RPRD1A: variants seen among roughly 807,000 people sequenced by gnomAD.
The protein encoded by RPRD1A is regulation of nuclear pre-mRNA domain containing 1A.
RPRD1A carries 9 observed loss-of-function variants against 37.8 expected under a neutral mutation model. The observed-to-expected ratio is 0.24, with a 90% CI of 0.14 to 0.42. RPRD1A has a LOEUF of 0.42. RPRD1A is among the 10% of genes least tolerant of loss of function. RPRD1A has a pLI of 1.00. For synonymous variants in RPRD1A, 138 were observed against 139.7 expected, an observed-to-expected ratio of 0.99 and a Z score of 0.08; for missense variants, 255 against 371.0, an observed-to-expected ratio of 0.69 and a Z score of 2.57.
chr18:36,002,372 C>CT (rs1319565886), intron 6 of RPRD1A, among the ~76,000 whole-genome samples: 3 of 152,088 alleles, frequency 2.0e-5, no homozygotes, highest in Non-Finnish European at 2.9e-5. Flanking sequence ...TCACCACTTC[C>CT]TTCCTTGGCA....
chr18:36,031,244 G>C (rs1911767639), intron 2 of RPRD1A, 147 bp from the exon 3 acceptor site: 1 of 1,004,960 alleles, frequency 1.0e-6, no homozygotes, highest in Non-Finnish European at 1.4e-6. Flanking sequence ...TCACTATGTG[G>C]CCAGCAGCTC....
chr18:36,057,049 T>C (rs1470142812), intron 1 of RPRD1A, among the ~76,000 whole-genome samples: 1 of 23,268 alleles, frequency 4.3e-5, no homozygotes, highest in African/African-American at 1.9e-4. Context: ...ACCCTGTTTC[T>C]ACAAAAAAAA....
Position 36,065,964 on chromosome 18 carries a change from CAAAAACA to C in RPRD1A, c.151+1283_151+1289del, listed in dbSNP as rs2089022110. Among the ~76,000 whole-genome samples the C allele has an allele frequency of 7.9e-5, 12 of 151,826 alleles. No homozygotes were observed. In the South Asian group the frequency reaches 2.3e-3, roughly 29 times the overall value. On this transcript the variant is annotated intron_variant, in intron 1 of 6. Coordinates refer to ENST00000399022, the MANE Select transcript of RPRD1A (RefSeq NM_018170.5). Reference sequence around the variant, plus strand: ...TACATGTGTTTCTAAATGCTCTCTGCAAAAACAAAAAACAAGATAAACCTGTTACCGA... The same window carrying C: ...TACATGTGTTTCTAAATGCTCTCTGCAAAAACAAGATAAACCTGTTACCGA...
intron 4 of RPRD1A, 152 bp from the exon 5 acceptor site, chr18:36,027,462 G>A (rs570074120): frequency 2.6e-6 from 2 of 759,320 alleles, no homozygotes; most frequent in African/African-American, 3.5e-5. Flanking sequence ...TCTTTCATAT[G>A]TTAAGAAAAA....
intron 6 of RPRD1A, among the ~76,000 whole-genome samples, chr18:36,007,280 T>A (rs946661299): frequency 6.6e-6 from 1 of 152,186 alleles, no homozygotes; most frequent in Admixed American, 6.6e-5. Context: ...AGGTCAGAAC[T>A]ATCCCATGAT....
intron 1 of RPRD1A, among the ~76,000 whole-genome samples, chr18:36,054,147 T>G (rs759908163): frequency 6.6e-6 from 1 of 152,156 alleles, no homozygotes; most frequent in East Asian, 1.9e-4. Context: ...AAACACCATA[T>G]AAAGCATCAA....
At chr18:36,002,955 G>A (rs1054782359) in intron 6 of RPRD1A, among the ~76,000 whole-genome samples, 2 of 152,196 alleles carry the variant, frequency 1.3e-5, no homozygotes, top group African/African-American at 4.8e-5. Flanking sequence ...AAATGGCAGA[G>A]TGGTCTTGTC....
intron 6 of RPRD1A, among the ~76,000 whole-genome samples, chr18:36,024,105 A>G (rs1345199597): frequency 1.3e-5 from 2 of 152,152 alleles, no homozygotes; most frequent in East Asian, 1.9e-4. Flanking sequence ...AATGTAAACT[A>G]AAGTTATTAA....
Position 36,031,245 on chromosome 18 carries a change from C to A in RPRD1A, c.282-148G>T. The stretch of plus-strand genomic sequence containing the variant: ...ATGTCTACTTAGCATCACTATGTGG[C>A]CAGCAGCTCAAAAGTGAAGTGATCT... On this transcript the variant is annotated intron_variant, in intron 2 of 6. Coordinates refer to ENST00000399022, the MANE Select transcript of RPRD1A (RefSeq NM_018170.5). The A allele has an allele frequency of 3.0e-6, 3 of 992,946 alleles. No individual in the cohort carries two copies. In the South Asian group the frequency reaches 6.4e-5, roughly 21 times the overall value. The allele number at this position is 992,946 out of a possible 1,614,324, so 61.5% of individuals were successfully genotyped here. A position where few individuals can be genotyped will look rare whatever the true frequency, so the allele number is the denominator to read the frequency against.
intron 1 of RPRD1A, among the ~76,000 whole-genome samples, chr18:36,040,282 G>A (rs144616457): frequency 7.9e-5 from 12 of 152,220 alleles, no homozygotes; most frequent in East Asian, 3.9e-4. Context: ...CACAGACACC[G>A]CATTAGCTAC....
intron 1 of RPRD1A, among the ~76,000 whole-genome samples, chr18:36,037,528 G>A (rs752505333): frequency 1.7e-4 from 26 of 152,124 alleles, no homozygotes; most frequent in Admixed American, 1.4e-3. Flanking sequence ...GTATTTCTTC[G>A]TAACAGCATG....
At position 36,026,988 on chromosome 18, in the gene RPRD1A, A is replaced by G. The variant is rs1314128793; in HGVS notation, c.701T>C (p.Ile234Thr). 2 of 1,613,992 alleles carry G rather than the reference A, an allele frequency of 1.2e-6. No homozygotes were observed. Among genetic ancestry groups the G allele is most frequent in the Admixed American group, 3.3e-5 (2 of 60,010 alleles). The change falls in exon 6 of 7, where the codon ATA becomes ACA. Residue 234 changes from isoleucine to threonine, a missense_variant. Coordinates refer to ENST00000399022, the MANE Select transcript of RPRD1A (RefSeq NM_018170.5). ...ADYNGRLAAE[I>T]DDRKQLTRML... ...TCGAGTGAGTTGCTTTCTATCATCT[A>G]TTTCTGCCGCCAATCTGCCATTGTA...
chr18:36,027,524 G>C (rs1273430440), intron 4 of RPRD1A: 1 of 473,452 alleles, frequency 2.1e-6, no homozygotes, highest in Non-Finnish European at 3.8e-6. Flanking sequence ...CAAGGCCCTA[G>C]ACCTTGAAGA....
chr18:36,056,710 T>A (rs1258910965), intron 1 of RPRD1A, among the ~76,000 whole-genome samples: 1 of 151,794 alleles, frequency 6.6e-6, no homozygotes, highest in Admixed American at 6.6e-5. Context: ...TAAAAAAAAA[T>A]TACCAGTTAT....
chr18:35,995,860 T>C (rs185023983), intron 6 of RPRD1A, among the ~76,000 whole-genome samples: 15 of 152,326 alleles, frequency 9.8e-5, no homozygotes, highest in African/African-American at 3.6e-4. Flanking sequence ...GCATTCTCCC[T>C]CTATGGTCTT....
chr18:36,019,422 A>G (rs1490271865), intron 6 of RPRD1A, among the ~76,000 whole-genome samples: 1 of 152,024 alleles, frequency 6.6e-6, no homozygotes, highest in Non-Finnish European at 1.5e-5. Context: ...ATGAGTTTCT[A>G]AAGAGGAGTG....
At chr18:36,004,376 T>G (rs1005004245) in intron 6 of RPRD1A, among the ~76,000 whole-genome samples, 9 of 152,204 alleles carry the variant, frequency 5.9e-5, no homozygotes, top group Non-Finnish European at 1.3e-4. Context: ...CACCTCTGCC[T>G]CCCGAGTAGC....
At chr18:36,063,067 A>G (rs1361875968) in intron 1 of RPRD1A, 1 of 152,074 alleles carries the variant, frequency 6.6e-6, no homozygotes, top group Non-Finnish European at 1.5e-5. Context: ...CTCCAAACAG[A>G]AACTCTTTCT....
chr18:36,054,306 C>T (rs970539433), intron 1 of RPRD1A, among the ~76,000 whole-genome samples: 11 of 152,182 alleles, frequency 7.2e-5, no homozygotes, highest in East Asian at 3.9e-4. Flanking sequence ...ACCTGGCCAA[C>T]GTGATGAAAC....
Sources: allele counts gnomAD v4.1 joint callset (sites outside exome capture counted in the v4.1 genomes callset), GRCh38; gene constraint gnomAD v4.1.1; transcripts MANE v1.5; gene names NCBI Gene and HGNC (gene_info 2026-07-23, HGNC 2026-07-21).